FOXP2: variants seen among roughly 807,000 people sequenced by gnomAD.
FOXP2 encodes forkhead box P2.
FOXP2 carries 12 observed loss-of-function variants against 115.8 expected under a neutral mutation model. The ratio of observed to expected loss-of-function variants is 0.10; its 90% CI spans 0.07 to 0.17. The LOEUF is 0.17. Among genes scored for constraint, FOXP2 ranks in the 10% least tolerant of loss-of-function variants. The probability of loss-of-function intolerance (pLI) is 1.00; values close to 1 mark genes in which losing one functional copy is unlikely to be tolerated. For synonymous variants in FOXP2, 328 were observed against 297.7 expected (o/e 1.10, Z -1.05); for missense variants, 629 against 843.5 (o/e 0.75, Z 3.15).
chr7:114,146,136 T>C (rs1470937714), intron 1 of FOXP2, among the ~76,000 whole-genome samples: 1 of 152,152 alleles, frequency 6.6e-6, no homozygotes, highest in Non-Finnish European at 1.5e-5. Context: ...CCCTCTTTGG[T>C]GGTGGATCTA....
chr7:114,206,968 C>T (rs1195006545), intron 1 of FOXP2, among the ~76,000 whole-genome samples: 1 of 152,168 alleles, frequency 6.6e-6, no homozygotes, highest in East Asian at 1.9e-4. Flanking sequence ...CTCTCACTAC[C>T]TCCCCCTACT....
chr7:114,541,293 G>A (rs1379483394), intron 3 of FOXP2, among the ~76,000 whole-genome samples: 3 of 151,976 alleles, frequency 2.0e-5, no homozygotes, highest in Non-Finnish European at 4.4e-5. Context: ...TCTGAAAAAG[G>A]TAATTTGAAA....
intron 3 of FOXP2, among the ~76,000 whole-genome samples, chr7:114,547,446 G>C (rs1210306314): frequency 1.3e-5 from 2 of 152,086 alleles, no homozygotes; most frequent in Non-Finnish European, 2.9e-5. Flanking sequence ...ATACCTGCTT[G>C]AGAAAATGGT....
At chr7:114,574,675 G>A (rs1438256492) in intron 3 of FOXP2, among the ~76,000 whole-genome samples, 3 of 151,870 alleles carry the variant, frequency 2.0e-5, no homozygotes, top group Non-Finnish European at 2.9e-5. Context: ...TATTGTTAGT[G>A]TTGCCTACAG....
chr7:114,489,704 G>A (rs1022347632), intron 2 of FOXP2, among the ~76,000 whole-genome samples: 2 of 152,034 alleles, frequency 1.3e-5, no homozygotes, highest in African/African-American at 4.8e-5. Flanking sequence ...CAACTGTGAA[G>A]TTCACCAGGT....
chr7:114,145,337 T>C (rs1347446654), intron 1 of FOXP2, among the ~76,000 whole-genome samples: 2 of 152,174 alleles, frequency 1.3e-5, no homozygotes, highest in Non-Finnish European at 2.9e-5. Context: ...TTTTAGACCT[T>C]ACATCTTATT....
At chr7:114,464,856 C>G (rs1341987550) in intron 2 of FOXP2, among the ~76,000 whole-genome samples, 1 of 152,322 alleles carries the variant, frequency 6.6e-6, no homozygotes, top group African/African-American at 2.4e-5. Context: ...CTCTACTCAT[C>G]ATGAGTGTTA....
At chr7:114,468,941 T>C (rs941571936) in intron 2 of FOXP2, among the ~76,000 whole-genome samples, 3 of 152,152 alleles carry the variant, frequency 2.0e-5, no homozygotes, top group African/African-American at 7.2e-5. Flanking sequence ...TCTTTCTGCT[T>C]TTGGATTTTG....
intron 3 of FOXP2, among the ~76,000 whole-genome samples, chr7:114,609,181 C>A (rs1325067167): frequency 6.6e-6 from 1 of 150,984 alleles, no homozygotes; most frequent in Non-Finnish European, 1.5e-5. Flanking sequence ...CCACTGCACT[C>A]CAGCCTGGAT....
chr7:114,452,838 T>C (rs979480497), intron 2 of FOXP2, among the ~76,000 whole-genome samples: 1 of 152,076 alleles, frequency 6.6e-6, no homozygotes, highest in Non-Finnish European at 1.5e-5. Flanking sequence ...TTTTTCATCA[T>C]TGATAGCTGT....
At chr7:114,102,717 C>CAA (rs1791016476) in intron 1 of FOXP2, among the ~76,000 whole-genome samples, 1 of 151,082 alleles carries the variant, frequency 6.6e-6, no homozygotes, top group African/African-American at 2.4e-5. Flanking sequence ...CACACACACA[C>CAA]ACACACACAC....
At chr7:114,376,008 G>A (rs180735759) in intron 2 of FOXP2, among the ~76,000 whole-genome samples, 1 of 152,300 alleles carries the variant, frequency 6.6e-6, no homozygotes, top group African/African-American at 2.4e-5. Flanking sequence ...AAGTGGATCT[G>A]TTCTAAGAGG....
At chr7:114,241,927 A>G (rs548558994) in intron 1 of FOXP2, among the ~76,000 whole-genome samples, 1 of 151,032 alleles carries the variant, frequency 6.6e-6, no homozygotes, top group South Asian at 2.1e-4. Context: ...GAAATCTTCT[A>G]GTGGCCTCCC....
intron 2 of FOXP2, among the ~76,000 whole-genome samples, chr7:114,500,281 A>G (rs944904185): frequency 6.6e-6 from 1 of 151,820 alleles, no homozygotes; most frequent in Admixed American, 6.6e-5. Flanking sequence ...GAGAAACTGA[A>G]ACTTATAGTG....
chr7:114,346,453 CATT>C (rs1791350109), intron 2 of FOXP2, among the ~76,000 whole-genome samples: 1 of 151,716 alleles, frequency 6.6e-6, no homozygotes, highest in Non-Finnish European at 1.5e-5. Context: ...GAAATAGAAT[CATT>C]ATGTCAAAGA....
At chr7:114,543,480 C>T (rs1799778148) in intron 3 of FOXP2, among the ~76,000 whole-genome samples, 1 of 152,080 alleles carries the variant, frequency 6.6e-6, no homozygotes, top group African/African-American at 2.4e-5. Context: ...AAGTCTAATA[C>T]AAGTTAACAA....
At position 114,322,996 on chromosome 7, in the gene FOXP2, GATTTATACCTAACTCATTA is replaced by G. The variant is rs1797464098; in HGVS notation, c.-11+34890_-11+34908del. Among the ~76,000 whole-genome samples, 7 of 152,236 alleles carry G rather than the reference GATTTATACCTAACTCATTA, an allele frequency of 4.6e-5. No homozygotes were observed. In the South Asian group the frequency reaches 1.4e-3, roughly 32 times the overall value. ...ATTGAAAGGCATGAGTTCTTTGGCA[GATTTATACCTAACTCATTA>G]ATATTCTTAGTTCCATATTTTATAT... On this transcript the variant is annotated intron_variant, in intron 2 of 17. Coordinates refer to the FOXP2 transcript ENST00000634411.
At chr7:114,480,292 C>T (rs955232036) in intron 2 of FOXP2, among the ~76,000 whole-genome samples, 1 of 151,532 alleles carries the variant, frequency 6.6e-6, no homozygotes, top group Non-Finnish European at 1.5e-5. Flanking sequence ...TAACTGGAAG[C>T]TTGCAATCCA....
chr7:114,135,226 A>T (rs2129146107), intron 1 of FOXP2, among the ~76,000 whole-genome samples: 1 of 152,298 alleles, frequency 6.6e-6, no homozygotes, highest in Non-Finnish European at 1.5e-5. Flanking sequence ...TGCTAATTTA[A>T]TGAGCAACTG....
Sources: gnomAD v4.1 joint callset for allele counts (sites outside exome capture counted in the v4.1 genomes callset) on GRCh38, gnomAD v4.1.1 for gene constraint, MANE v1.5 for transcripts, NCBI Gene and HGNC (gene_info 2026-07-23, HGNC 2026-07-21) for gene names.